Variants in IFT57 observed in about 807,000 individuals in gnomAD.
The protein encoded by IFT57 is intraflagellar transport 57, also known as intraflagellar transport protein 57 homolog.
Under a neutral mutation model 56.8 loss-of-function variants are expected in IFT57, and 59 were observed. The ratio of observed to expected loss-of-function variants is 1.04; its 90% CI spans 0.84 to 1.29. The LOEUF (loss-of-function observed/expected upper bound fraction) is 1.29. Ranked by LOEUF, IFT57 falls within the 50% of genes most tolerant of loss-of-function variation. The pLI is 0.00. For synonymous variants in IFT57, 209 were observed against 186.1 expected, an observed-to-expected ratio of 1.12 and a Z score of -1.00; for missense variants, 470 against 522.1, an observed-to-expected ratio of 0.90 and a Z score of 0.97.
At chr3:108,186,056 G>A (rs2080180294) in intron 6 of IFT57, among the ~76,000 whole-genome samples, 1 of 152,062 alleles carries the variant, frequency 6.6e-6, no homozygotes, top group Admixed American at 6.6e-5. Flanking sequence ...TAGATTGGGG[G>A]TCATAAGGAC....
chr3:108,206,944 GA>G (rs1252002215), intron 4 of IFT57, among the ~76,000 whole-genome samples: 3 of 151,840 alleles, frequency 2.0e-5, no homozygotes, highest in East Asian at 1.9e-4. Context: ...ATAAAGAAAG[GA>G]AAAAAACTGG....
chr3:108,172,397 T>A (rs1299671538), intron 6 of IFT57, among the ~76,000 whole-genome samples: 2 of 151,888 alleles, frequency 1.3e-5, no homozygotes, highest in African/African-American at 4.8e-5. Flanking sequence ...GCTTTGCTTA[T>A]AACAACTAAA....
intron 3 of IFT57, 35 bp from the exon 4 acceptor site, chr3:108,214,056 TTAA>T (rs769039989): frequency 7.7e-7 from 1 of 1,299,618 alleles, no homozygotes; most frequent in Non-Finnish European, 1.1e-6. Context: ...GGTGATAATT[TTAA>T]TATTTAGTAA....
intron 4 of IFT57, among the ~76,000 whole-genome samples, chr3:108,210,929 C>T (rs1228822869): frequency 6.6e-6 from 1 of 152,092 alleles, no homozygotes; most frequent in African/African-American, 2.4e-5. Flanking sequence ...GGCTGCTTTC[C>T]AGTATATTTC....
intron 7 of IFT57, 163 bp from the exon 8 acceptor site, chr3:108,167,148 A>C (rs1469329234): frequency 1.7e-6 from 1 of 594,050 alleles, no homozygotes; most frequent in African/African-American, 1.9e-5. Context: ...GTGATGAGAA[A>C]TATTTTAACC....
chr3:108,184,014 T>G (rs552633866), intron 6 of IFT57, among the ~76,000 whole-genome samples: 1 of 152,262 alleles, frequency 6.6e-6, no homozygotes, highest in East Asian at 1.9e-4. Flanking sequence ...ATAAGGAATT[T>G]AAAATTTTTT....
intron 6 of IFT57, among the ~76,000 whole-genome samples, chr3:108,184,810 A>G (rs1434591255): frequency 6.6e-6 from 1 of 152,162 alleles, no homozygotes; most frequent in African/African-American, 2.4e-5. Context: ...CACAGTAAAA[A>G]GTTATTTCTT....
At chr3:108,215,155 T>C (rs1444527928) in intron 3 of IFT57, among the ~76,000 whole-genome samples, 1 of 152,232 alleles carries the variant, frequency 6.6e-6, no homozygotes, top group Non-Finnish European at 1.5e-5. Context: ...TCAAGATTAA[T>C]GACACATTTC....
rs572821760 is a variant in IFT57 at position 108,204,291 on chromosome 3, T to C, written c.654+2337A>G. Among the ~76,000 whole-genome samples, 6 of 152,096 alleles carry C rather than the reference T, an allele frequency of 3.9e-5. No individual in the cohort carries two copies. In the East Asian group the frequency reaches 1.2e-3, roughly 29 times the overall value. On this transcript the variant is annotated intron_variant, in intron 5 of 10. Transcript: ENST00000264538. ...TCTTCCTCTTGTGGAAATACAACTA[T>C]ACATAGTCTTAGCTCTAAAGGAGTT...
intron 5 of IFT57, among the ~76,000 whole-genome samples, chr3:108,202,333 T>C (rs534069515): frequency 4.6e-5 from 7 of 152,328 alleles, no homozygotes; most frequent in Admixed American, 2.0e-4. Context: ...AACTGACATA[T>C]GCAAATTAGA....
chr3:108,187,976 A>G (rs570640337), intron 6 of IFT57, among the ~76,000 whole-genome samples: 1 of 151,408 alleles, frequency 6.6e-6, no homozygotes, highest in South Asian at 2.1e-4. Context: ...TTCAGGGTAC[A>G]TGTGCACAAT....
At chr3:108,167,942 C>T (rs574264960) in intron 6 of IFT57, 78 bp from the exon 7 acceptor site, 7 of 1,070,360 alleles carry the variant, frequency 6.5e-6, no homozygotes, top group Non-Finnish European at 9.3e-6. Context: ...GAAGTTGTAA[C>T]CTTTAATTAC....
At chr3:108,182,676 G>A (rs1256445508) in intron 6 of IFT57, among the ~76,000 whole-genome samples, 1 of 152,080 alleles carries the variant, frequency 6.6e-6, no homozygotes, top group Admixed American at 6.6e-5. Context: ...GACACTAAAT[G>A]AATAGGTAAG....
intron 6 of IFT57, among the ~76,000 whole-genome samples, chr3:108,179,928 T>C (rs544581042): frequency 6.6e-6 from 1 of 152,006 alleles, no homozygotes; most frequent in Admixed American, 6.6e-5. Flanking sequence ...ATGTGTGGTA[T>C]ATATTGTGGT....
At chr3:108,168,299 C>A (rs2080073860) in intron 6 of IFT57, among the ~76,000 whole-genome samples, 1 of 151,706 alleles carries the variant, frequency 6.6e-6, no homozygotes, top group South Asian at 2.1e-4. Context: ...CTTCATGAAG[C>A]CTTTTGAGTC....
At chr3:108,168,194 G>C (rs2080073376) in intron 6 of IFT57, among the ~76,000 whole-genome samples, 2 of 151,784 alleles carry the variant, frequency 1.3e-5, no homozygotes, top group South Asian at 4.2e-4. Context: ...ACTTGTTTAA[G>C]CAGTAACAAT....
chr3:108,162,354 G>A lies in IFT57; in HGVS notation c.*123C>T. ...CATCATAATCACCATGATATAATATGTGAGTATGTATATGTAAAAAAATAC... is the reference window on the plus strand; with the variant it reads ...CATCATAATCACCATGATATAATATATGAGTATGTATATGTAAAAAAATAC... On this transcript the variant is annotated 3_prime_UTR_variant, in exon 11 of 11. Transcript: ENST00000264538. 1.6e-6 allele frequency: 1 copy of A among 636,688 alleles called. No individual in the cohort carries two copies. Among genetic ancestry groups the A allele is most frequent in the Non-Finnish European group, 2.7e-6 (1 of 377,024 alleles). The allele number at this position is 636,688 out of a possible 1,614,324, so 39.4% of individuals were successfully genotyped here. A position where few individuals can be genotyped will look rare whatever the true frequency, so the allele number is the denominator to read the frequency against.
chr3:108,202,867 G>C (rs1576045269), intron 5 of IFT57, among the ~76,000 whole-genome samples: 1 of 152,282 alleles, frequency 6.6e-6, no homozygotes, highest in Non-Finnish European at 1.5e-5. Context: ...TCATCAGTAG[G>C]AGGAACATAT....
In IFT57 at chr3:108,191,000, C is replaced by T. The variant is rs191799087; in HGVS notation, c.777+521G>A. On this transcript the variant is annotated intron_variant, in intron 6 of 10. Coordinates refer to ENST00000264538, the MANE Select transcript of IFT57 (RefSeq NM_018010.4). ...TAGAGACGGGGTTTCACTGCATTGGCCAGGCTGGTCTCGAACTCCTGACCT... is the reference window on the plus strand; with the variant it reads ...TAGAGACGGGGTTTCACTGCATTGGTCAGGCTGGTCTCGAACTCCTGACCT... 1.3e-3 allele frequency among the ~76,000 whole-genome samples: 202 copies of T among 152,226 alleles called. 1 individual carries two copies. Among genetic ancestry groups the T allele is most frequent in the African/African-American group, 4.7e-3 (197 of 41,550 alleles).
Sources: allele counts gnomAD v4.1 joint callset (sites outside exome capture counted in the v4.1 genomes callset), GRCh38; gene constraint gnomAD v4.1.1; transcripts MANE v1.5; gene names NCBI Gene and HGNC (gene_info 2026-07-23, HGNC 2026-07-21).